PPM1B: variants seen among roughly 807,000 people sequenced by gnomAD.
The protein encoded by PPM1B is protein phosphatase, Mg2+/Mn2+ dependent 1B, also known as protein phosphatase 1B.
Under a neutral mutation model 43.0 loss-of-function variants are expected in PPM1B, and 22 were observed. The observed-to-expected ratio is 0.51, with a 90% CI of 0.37 to 0.73. The LOEUF is 0.73. PPM1B is among the 30% of genes least tolerant of loss of function. The pLI, the probability that PPM1B is intolerant of heterozygous loss-of-function variation, is 0.00. For synonymous variants in PPM1B, 217 were observed against 197.9 expected (o/e 1.10, Z -0.81); for missense variants, 632 against 584.2 (o/e 1.08, Z -0.84).
chr2:44,237,804 C>T (rs887231512), downstream of PPM1B, among the ~76,000 whole-genome samples: 2 of 152,168 alleles, frequency 1.3e-5, no homozygotes, highest in African/African-American at 4.8e-5. Context: ...TACCTTCTTT[C>T]CCTCTCCTGA....
rs900765195 is a variant in PPM1B, at chr2:44,218,005, C to T, written c.1003C>T (p.Leu335Phe). The change falls in exon 4 of 6, where the codon CTT becomes TTT. Residue 335 changes from leucine (L) to phenylalanine (F), a missense_variant. Physicochemically the swap from Leu to Phe is conservative, Grantham distance 22. Around this residue, in one of 3 missense-constraint regions of PPM1B, gnomAD observed 392 missense variants for 302.7 expected, o/e 1.29. Coordinates refer to ENST00000282412, the MANE Select transcript of PPM1B (RefSeq NM_002706.6). Reference sequence around the variant, plus strand: ...GTCTGGCGAGGAAGGAATGCCTGATCTTGCCCATGTCATGCGCATCTTGTC... The same window carrying T: ...GTCTGGCGAGGAAGGAATGCCTGATTTTGCCCATGTCATGCGCATCTTGTC... ...EKSGEEGMPDLAHVMRILSAE... is the reference protein window; with the variant it reads ...EKSGEEGMPDFAHVMRILSAE... 1.2e-6 allele frequency: 2 copies of T among 1,608,892 alleles called. No homozygotes were observed. The highest frequency in any genetic ancestry group is 1.7e-6 in the Non-Finnish European group (2 of 1,178,580).
At chr2:44,224,885 G>T (rs1670144083) in intron 5 of PPM1B, among the ~76,000 whole-genome samples, 1 of 152,002 alleles carries the variant, frequency 6.6e-6, no homozygotes, top group Non-Finnish European at 1.5e-5. Flanking sequence ...ATAACCTGTG[G>T]TGTTCTATAA....
chr2:44,185,479 C>G (rs1668076166), intron 1 of PPM1B, among the ~76,000 whole-genome samples: 1 of 152,110 alleles, frequency 6.6e-6, no homozygotes, highest in Non-Finnish European at 1.5e-5. Context: ...CCACTGTCAA[C>G]AAAGCTATTT....
chr2:44,212,967 C>T (rs1445273247), intron 3 of PPM1B, among the ~76,000 whole-genome samples: 4 of 150,148 alleles, frequency 2.7e-5, no homozygotes, highest in Non-Finnish European at 5.9e-5. Context: ...GAGCCAAGAT[C>T]CTGCCACTGC....
intron 5 of PPM1B, chr2:44,244,098 C>T: frequency 3.9e-6 from 1 of 255,596 alleles, no homozygotes; most frequent in Non-Finnish European, 7.0e-6. Flanking sequence ...TGAGTGAACC[C>T]CCCTCCTCAG....
intron 2 of PPM1B, among the ~76,000 whole-genome samples, chr2:44,207,479 G>A (rs1669242626): frequency 6.6e-6 from 1 of 152,064 alleles, no homozygotes; most frequent in Non-Finnish European, 1.5e-5. Flanking sequence ...CCTGCTCTTA[G>A]AAACTCAGTT....
At chr2:44,169,516 AG>A (rs1474131172) in intron 1 of PPM1B, among the ~76,000 whole-genome samples, 1 of 152,220 alleles carries the variant, frequency 6.6e-6, no homozygotes, top group Non-Finnish European at 1.5e-5. Context: ...GGAGAGGCGC[AG>A]GGAGAGAATG....
intron 1 of PPM1B, among the ~76,000 whole-genome samples, chr2:44,188,393 C>CTTTT (rs67959948): frequency 1.1e-3 from 100 of 92,262 alleles, no homozygotes; most frequent in Non-Finnish European, 1.5e-3. Context: ...TTCTTTCTTT[C>CTTTT]TTTTTTTTTT....
downstream of PPM1B, among the ~76,000 whole-genome samples, chr2:44,235,584 CAAA>C (rs1670586396): frequency 4.2e-5 from 2 of 47,350 alleles, no homozygotes; most frequent in East Asian, 5.2e-4. Context: ...GCCTGGGCAA[CAAA>C]AGCAAAATTC....
chr2:44,199,845 C>T (rs560213074), intron 1 of PPM1B, among the ~76,000 whole-genome samples: 11 of 152,088 alleles, frequency 7.2e-5, no homozygotes, highest in Middle Eastern at 3.4e-3. Context: ...TGGTATGTAA[C>T]TTATAAATAT....
intron 2 of PPM1B, among the ~76,000 whole-genome samples, chr2:44,207,982 G>T (rs570977823): frequency 6.7e-6 from 1 of 148,516 alleles, no homozygotes; most frequent in South Asian, 2.1e-4. Context: ...TCCACCTCCC[G>T]GGTTCAAGTG....
chr2:44,238,530 C>G (rs1425838949), downstream of PPM1B, among the ~76,000 whole-genome samples: 3 of 151,768 alleles, frequency 2.0e-5, no homozygotes, highest in East Asian at 5.9e-4. Context: ...GGTGAAACCC[C>G]GTCTCTACTA....
chr2:44,179,445 A>G (rs1254550141), intron 1 of PPM1B, among the ~76,000 whole-genome samples: 6 of 152,290 alleles, frequency 3.9e-5, no homozygotes, highest in South Asian at 2.1e-4. Flanking sequence ...CCAAACAGCA[A>G]AGCTCTGTGT....
At position 44,201,220 on chromosome 2, in the gene PPM1B, A is replaced by T; in HGVS notation, c.21A>T (p.Lys7Asn). 1 of 1,594,868 alleles carries T rather than the reference A, an allele frequency of 6.3e-7. No individual in the cohort carries two copies. The highest frequency in any genetic ancestry group is 8.6e-7 in the Non-Finnish European group (1 of 1,168,020). MGAFLD[K>N]PKTEKHNAHG... ...TAAACATGGGTGCATTTTTGGATAA[A>T]CCCAAAACTGAAAAACATAATGCTC... Residue 7 changes from lysine to asparagine, a missense_variant, in exon 2 of 6, where the codon AAA becomes AAT. Physicochemically the swap from Lys to Asn is moderately conservative, Grantham distance 94 (BLOSUM62 0). This residue lies in a region of PPM1B where 200 missense variants were observed against 200.7 expected (regional missense o/e 1.00). Coordinates refer to ENST00000282412, the MANE Select transcript of PPM1B (RefSeq NM_002706.6). The surrounding 1 kb of genome is among the most constrained non-coding windows in gnomAD (Gnocchi z 5.4).
Position 44,230,589 on chromosome 2 carries a change from T to G in PPM1B, c.1311T>G (p.Thr437=). The change falls in exon 6 of 6, where the codon ACT becomes ACG. Residue 437 remains threonine (T), a synonymous_variant. Coordinates refer to ENST00000282412, the MANE Select transcript of PPM1B (RefSeq NM_002706.6). Reference sequence around the variant, plus strand: ...CTGCTGAACCAGCTGCCACAGCTACTTCTTCGAACAGTGATGCTGGAAACC... The same window carrying G: ...CTGCTGAACCAGCTGCCACAGCTACGTCTTCGAACAGTGATGCTGGAAACC... ...ESPAEPAATA[T]SSNSDAGNPV... 1.2e-6 allele frequency: 2 copies of G among 1,614,170 alleles called. No individual in the cohort carries two copies. The highest frequency in any genetic ancestry group is 1.7e-6 in the Non-Finnish European group (2 of 1,180,006).
intron 5 of PPM1B, among the ~76,000 whole-genome samples, chr2:44,226,270 C>T (rs574515919): frequency 3.3e-5 from 5 of 152,170 alleles, no homozygotes; most frequent in East Asian, 1.9e-4. Context: ...CCACTGCGCC[C>T]GACCTAGTAT....
intron 3 of PPM1B, among the ~76,000 whole-genome samples, chr2:44,215,969 TAGTG>T (rs1196537458): frequency 6.6e-6 from 1 of 152,160 alleles, no homozygotes; most frequent in East Asian, 1.9e-4. Flanking sequence ...GGAATGTTCT[TAGTG>T]AGTGCAGCTG....
downstream of PPM1B, chr2:44,232,978 AC>A (rs1670511847): frequency 3.1e-6 from 3 of 980,440 alleles, no homozygotes; most frequent in South Asian, 9.4e-5. Flanking sequence ...ATAAACCCTT[AC>A]AAATTTTATG....
At chr2:44,190,117 C>T (rs555321021) in intron 1 of PPM1B, among the ~76,000 whole-genome samples, 117 of 150,532 alleles carry the variant, frequency 7.8e-4, no homozygotes, top group African/African-American at 2.7e-3. Flanking sequence ...GTGGACAGAT[C>T]ATTATTTGAT....
Sources: allele counts gnomAD v4.1 joint callset (sites outside exome capture counted in the v4.1 genomes callset), GRCh38; gene constraint gnomAD v4.1.1; regional missense constraint gnomAD v4.1.1; non-coding constraint Gnocchi (gnomAD v3.1); transcripts MANE v1.5; gene names NCBI Gene and HGNC (gene_info 2026-07-23, HGNC 2026-07-21).